ANKRD36C: variants seen among roughly 807,000 people sequenced by gnomAD.
ANKRD36C encodes ankyrin repeat domain-containing protein 36C.
ANKRD36C carries 61 observed loss-of-function variants against 276.4 expected under a neutral mutation model. That is an observed-to-expected ratio of 0.22 (90% confidence interval 0.18 to 0.27). The LOEUF is 0.27. Among genes scored for constraint, ANKRD36C ranks in the 10% least tolerant of loss-of-function variants. The pLI is 1.00. For missense variants in ANKRD36C, 1,447 were observed against 2,032.3 expected (o/e 0.71, Z 5.54); for synonymous variants, 483 against 680.1 (o/e 0.71, Z 4.51).
intron 3 of ANKRD36C, among the ~76,000 whole-genome samples, chr2:95,985,713 G>A (rs1288210808): frequency 6.6e-6 from 1 of 152,100 alleles, no homozygotes; most frequent in Non-Finnish European, 1.5e-5. Flanking sequence ...TCACTCACAT[G>A]GCAAATTCCC....
Position 95,922,300 on chromosome 2 carries a change from T to C in ANKRD36C, c.2144-490A>G, listed in dbSNP as rs182280257. Among the ~76,000 whole-genome samples the C allele has an allele frequency of 3.3e-5, 5 of 151,794 alleles. No homozygotes were observed. In the East Asian group the frequency reaches 9.8e-4, roughly 30 times the overall value. On this transcript the variant is annotated intron_variant, in intron 32 of 66. Transcript: ENST00000456556. ...ACACTTCAGTTGAATGTACACCTCATGTCTCTGTCTCTTCAGTGAAGTGTC... is the reference window on the plus strand; with the variant it reads ...ACACTTCAGTTGAATGTACACCTCACGTCTCTGTCTCTTCAGTGAAGTGTC...
chr2:95,926,813 C>A (rs1426576183), intron 28 of ANKRD36C, among the ~76,000 whole-genome samples: 1 of 151,582 alleles, frequency 6.6e-6, no homozygotes, highest in East Asian at 1.9e-4. Flanking sequence ...CCTTAGCTCT[C>A]GTTCTACAGT....
At position 95,965,175 on chromosome 2, in the gene ANKRD36C, G is replaced by T. The variant is rs1433840014; in HGVS notation, c.800-2628C>A. 2.6e-5 allele frequency among the ~76,000 whole-genome samples: 4 copies of T among 151,542 alleles called. No individual in the cohort carries two copies. In the Admixed American group the frequency reaches 2.6e-4, roughly 10 times the overall value. On this transcript the variant is annotated intron_variant, in intron 6 of 66. Transcript: ENST00000456556. ...GAACAGAAATATTTTCATTTGTAAT[G>T]AAAATTATTCTATTTACAGTTTTCA...
intron 59 of ANKRD36C, among the ~76,000 whole-genome samples, chr2:95,875,107 T>C (rs548315327): frequency 6.6e-6 from 1 of 152,226 alleles, no homozygotes; most frequent in African/African-American, 2.4e-5. Context: ...TCAACCATTG[T>C]GGAAGTCAGT....
At position 95,956,819 on chromosome 2, in the gene ANKRD36C, A is replaced by G; in HGVS notation, c.1106-3T>C. 4 of 1,533,612 alleles carry G rather than the reference A, an allele frequency of 2.6e-6. No individual in the cohort carries two copies. The South Asian group carries it at 3.6e-5, about 14-fold the overall frequency. ...ACACTGTTCAACAGCAGGAAGCACT[A>G]TCAAACAAAAAGTAAAATGCATTTT... On this transcript the variant is annotated splice_region_variant and splice_polypyrimidine_tract_variant and intron_variant, in intron 12 of 66. Coordinates refer to ENST00000456556, the Ensembl canonical transcript of ANKRD36C.
rs1203492644 is a variant in ANKRD36C at position 95,897,395 on chromosome 2, T to G, written c.2755+1750A>C. The G allele has an allele frequency of 1.0e-5, 16 of 1,547,932 alleles. 2 individuals carry two copies. The highest frequency in any genetic ancestry group is 4.1e-5 in the African/African-American group (3 of 72,436). On this transcript the variant is annotated intron_variant, in intron 44 of 66. Coordinates refer to ENST00000456556, the Ensembl canonical transcript of ANKRD36C. ...AATTAATAAAGTATGTTTCATAGAC[T>G]ATACATTTACTAGTTCACAATATAA...
chr2:95,974,835 G>C (rs1223883507), intron 6 of ANKRD36C, among the ~76,000 whole-genome samples: 2 of 126,756 alleles, frequency 1.6e-5, no homozygotes, highest in Non-Finnish European at 3.1e-5. Context: ...CCTGGTGTGT[G>C]ATGTTCCCCT....
chr2:95,936,167 C>T (rs1223461489), intron 22 of ANKRD36C, among the ~76,000 whole-genome samples: 1 of 152,260 alleles, frequency 6.6e-6, no homozygotes, highest in Non-Finnish European at 1.5e-5. Context: ...CATTACACTC[C>T]AAATACCTAA....
intron 3 of ANKRD36C, among the ~76,000 whole-genome samples, chr2:95,983,818 G>A (rs971918895): frequency 5.2e-4 from 79 of 151,034 alleles, no homozygotes; most frequent in Non-Finnish European, 9.6e-4. Flanking sequence ...GGGTTTCACC[G>A]TGTTAGCCAG....
chr2:95,902,893 A>C (rs1017049880), intron 42 of ANKRD36C: 1 of 1,577,984 alleles, frequency 6.3e-7, no homozygotes, highest in Non-Finnish European at 8.6e-7. Context: ...TACCTCTCCT[A>C]GTTTTTTCTC....
intron 6 of ANKRD36C, among the ~76,000 whole-genome samples, chr2:95,972,398 AAATTCGAAGCTACAGG>A: frequency 6.6e-6 from 1 of 152,358 alleles, no homozygotes; most frequent in South Asian, 2.1e-4. Context: ...TGTGATGTCA[AAATTCGAAGCTACAGG>A]AATTCAGCAC....
At chr2:95,917,767 C>T in intron 36 of ANKRD36C, 88 bp downstream of exon 38, 8 of 1,491,484 alleles carry the variant, frequency 5.4e-6, no homozygotes, top group Non-Finnish European at 7.2e-6. Flanking sequence ...GCGAGCACCC[C>T]CAACCGCCCT....
intron 42 of ANKRD36C, among the ~76,000 whole-genome samples, chr2:95,911,298 G>C (rs1163607701): frequency 2.0e-5 from 3 of 151,396 alleles, no homozygotes; most frequent in Non-Finnish European, 3.0e-5. Flanking sequence ...TTTCTACAAA[G>C]TAAAATGCTA....
intron 44 of ANKRD36C, 66 bp from the exon 65 acceptor site, chr2:95,891,926 G>A (rs1387949725): frequency 2.6e-6 from 4 of 1,544,218 alleles, no homozygotes; most frequent in Non-Finnish European, 8.8e-7. Flanking sequence ...ACACATTCAT[G>A]CAGTGTTAGC....
At chr2:95,857,026 A>C (rs1346330398) in intron 62 of ANKRD36C, among the ~76,000 whole-genome samples, 1 of 152,168 alleles carries the variant, frequency 6.6e-6, no homozygotes, top group Non-Finnish European at 1.5e-5. Context: ...TTAATATGAA[A>C]TAGGGGAAAA....
chr2:95,934,003 G>T (rs1677644665), intron 24 of ANKRD36C, among the ~76,000 whole-genome samples: 1 of 152,282 alleles, frequency 6.6e-6, no homozygotes, highest in South Asian at 2.1e-4. Context: ...ATGAAAAAAA[G>T]GCTCATGATC....
At chr2:95,989,523 C>T (rs1679095743) in intron 1 of ANKRD36C, among the ~76,000 whole-genome samples, 1 of 151,674 alleles carries the variant, frequency 6.6e-6, no homozygotes, top group Admixed American at 6.6e-5. Context: ...TTGTCCCATC[C>T]TATGGATGCA....
chr2:95,982,539 A>G (rs1474837329), intron 3 of ANKRD36C, among the ~76,000 whole-genome samples, 177 bp from the exon 4 acceptor site: 1 of 121,864 alleles, frequency 8.2e-6, no homozygotes, highest in East Asian at 2.3e-4. Flanking sequence ...CCTGGAAACA[A>G]CCTCCTCTGC....
At chr2:95,978,302 T>A in intron 5 of ANKRD36C, 113 bp from the exon 6 acceptor site, 1 of 375,192 alleles carries the variant, frequency 2.7e-6, no homozygotes, top group Non-Finnish European at 4.9e-6. Context: ...AATTATCCTA[T>A]ACACTTCTCT....
Sources: allele counts gnomAD v4.1 joint callset (sites outside exome capture counted in the v4.1 genomes callset), GRCh38; gene constraint gnomAD v4.1.1; transcripts MANE v1.5; gene names NCBI Gene and HGNC (gene_info 2026-07-23, HGNC 2026-07-21).